The following TENM3 variants were observed in gnomAD, a reference collection of about 807,000 sequenced individuals.
The protein encoded by TENM3 is teneurin-3.
Under a neutral mutation model 255.1 loss-of-function variants are expected in TENM3, and 63 were observed. That is an observed-to-expected ratio of 0.25 (90% CI 0.20 to 0.30). TENM3 has a LOEUF of 0.30. Ranked by LOEUF, TENM3 falls within the 10% of genes least tolerant of loss-of-function variation. The pLI is 1.00. For missense variants in TENM3, 2,929 were observed against 3,461.1 expected (o/e 0.85, Z 3.86); for synonymous variants, 1,306 against 1,322.3 (o/e 0.99, Z 0.27).
chr4:181,827,473 A>T, the TENM3 span, among the ~76,000 whole-genome samples: 1 of 152,154 alleles, frequency 6.6e-6, no homozygotes, highest in Admixed American at 6.5e-5. Context: ...CACACAAAAG[A>T]TTTGCATACA....
chr4:182,773,341 C>T (rs1280230522), intron 22 of TENM3, 131 bp from the exon 23 acceptor site: 2 of 792,208 alleles, frequency 2.5e-6, no homozygotes, highest in Non-Finnish European at 3.9e-6. Flanking sequence ...AGTCTTCACT[C>T]TGCATCGCTC....
chr4:181,537,173 G>A, the TENM3 span, among the ~76,000 whole-genome samples: 6,048 of 151,966 alleles, frequency 0.04, 295 homozygotes, highest in African/African-American at 0.12. Flanking sequence ...GACTAAGGTT[G>A]GGCTTTGATT....
At chr4:182,728,872 T>TG in intron 13 of TENM3, 93 bp from the exon 14 acceptor site, 1 of 827,196 alleles carries the variant, frequency 1.2e-6, no homozygotes, top group Admixed American at 3.6e-5. Context: ...TCACTTGATG[T>TG]GAAAAAAAAA....
chr4:182,714,895 G>GT (rs1432857083), intron 13 of TENM3, among the ~76,000 whole-genome samples: 1 of 152,072 alleles, frequency 6.6e-6, no homozygotes, highest in East Asian at 1.9e-4. Flanking sequence ...TTTGTTTTTT[G>GT]TTTTTTGAGA....
intron 3 of TENM3, among the ~76,000 whole-genome samples, chr4:182,374,912 C>T (rs118176750): frequency 6.6e-6 from 1 of 152,282 alleles, no homozygotes; most frequent in East Asian, 1.9e-4. Flanking sequence ...TTTTTCCATT[C>T]TTTCCTTGCA....
chr4:182,659,807 A>T (rs1385488784), intron 6 of TENM3, among the ~76,000 whole-genome samples: 1 of 152,212 alleles, frequency 6.6e-6, no homozygotes, highest in African/African-American at 2.4e-5. Flanking sequence ...TCTAGTCAGA[A>T]GCCTTTAAAT....
At chr4:182,463,418 T>G (rs1270990493) in intron 3 of TENM3, among the ~76,000 whole-genome samples, 1 of 152,146 alleles carries the variant, frequency 6.6e-6, no homozygotes, top group Non-Finnish European at 1.5e-5. Context: ...AGTGTGTTGC[T>G]TTATTTCAGT....
At chr4:181,786,049 T>C in the TENM3 span, among the ~76,000 whole-genome samples, 549 of 152,318 alleles carry the variant, frequency 3.6e-3, no homozygotes, top group Non-Finnish European at 6.3e-3. Flanking sequence ...ACATCATTTC[T>C]GTGATTCCAT....
At chr4:181,992,270 A>T in the TENM3 span, among the ~76,000 whole-genome samples, 1 of 152,178 alleles carries the variant, frequency 6.6e-6, no homozygotes, top group South Asian at 2.1e-4. Flanking sequence ...TTCAAACAGC[A>T]TGTTTTTAGT....
the TENM3 span, among the ~76,000 whole-genome samples, chr4:182,000,188 T>C: frequency 2.6e-5 from 4 of 152,160 alleles, no homozygotes; most frequent in African/African-American, 9.7e-5. Context: ...TCAGACTGTG[T>C]AGCTGTTCAG....
chr4:182,701,509 T>C (rs13126417), intron 12 of TENM3, among the ~76,000 whole-genome samples: 42,427 of 151,770 alleles, frequency 0.28, 6,404 homozygotes, highest in Non-Finnish European at 0.35. Context: ...CGTGAGCCAC[T>C]GCACCTGGCC....
At chr4:182,527,760 G>A (rs376473896) in intron 3 of TENM3, among the ~76,000 whole-genome samples, 4 of 151,854 alleles carry the variant, frequency 2.6e-5, no homozygotes, top group Non-Finnish European at 5.9e-5. Flanking sequence ...ATGGAGTCTC[G>A]CTCTGTCACC....
intron 3 of TENM3, among the ~76,000 whole-genome samples, chr4:182,587,469 C>G (rs142918554): frequency 5.4e-4 from 82 of 152,278 alleles, no homozygotes; most frequent in African/African-American, 1.9e-3. Flanking sequence ...GTTCCAGCTA[C>G]TGGGGAGGCT....
the TENM3 span, among the ~76,000 whole-genome samples, chr4:181,593,384 T>C: frequency 6.6e-6 from 1 of 152,166 alleles, no homozygotes; most frequent in African/African-American, 2.4e-5. Flanking sequence ...ATATACACTT[T>C]TGTGTATTTT....
chr4:182,241,503 C>T (rs1757249838), upstream of TENM3, among the ~76,000 whole-genome samples: 1 of 139,146 alleles, frequency 7.2e-6, no homozygotes, highest in Admixed American at 7.1e-5. Flanking sequence ...TTCCTTTTCC[C>T]TTTCTTTTTT....
chr4:182,516,465 CT>C (rs1737956490), intron 3 of TENM3, among the ~76,000 whole-genome samples: 2 of 152,162 alleles, frequency 1.3e-5, no homozygotes, highest in Non-Finnish European at 2.9e-5. Context: ...TTTATAATGC[CT>C]TTATTAGTTC....
intron 1 of TENM3, among the ~76,000 whole-genome samples, chr4:182,254,166 A>C (rs924173002): frequency 2.9e-4 from 44 of 152,282 alleles, no homozygotes; most frequent in African/African-American, 1.0e-3. Context: ...TAATGCCCCT[A>C]TGTGAAATCT....
the TENM3 span, among the ~76,000 whole-genome samples, chr4:181,770,128 A>G: frequency 1.3e-5 from 2 of 152,104 alleles, no homozygotes; most frequent in East Asian, 3.9e-4. Flanking sequence ...AGGATCTTGG[A>G]AGGAAGATCC....
At chr4:181,842,712 T>C in the TENM3 span, among the ~76,000 whole-genome samples, 4 of 152,320 alleles carry the variant, frequency 2.6e-5, no homozygotes, top group South Asian at 8.3e-4. Context: ...GTACACATCA[T>C]GGTATTAAGT....
Sources: allele counts gnomAD v4.1 joint callset (sites outside exome capture counted in the v4.1 genomes callset), GRCh38; gene constraint gnomAD v4.1.1; transcripts MANE v1.5; gene names NCBI Gene and HGNC (gene_info 2026-07-23, HGNC 2026-07-21).